RBBP7: variants seen among roughly 807,000 people sequenced by gnomAD.
RBBP7 encodes the protein histone-binding protein RBBP7.
RBBP7 carries 5 observed loss-of-function variants against 35.2 expected under a neutral mutation model. The observed-to-expected ratio is 0.14, with a 90% CI of 0.07 to 0.30. The LOEUF is 0.30. Ranked by LOEUF, RBBP7 falls within the 10% of genes least tolerant of loss-of-function variation. The probability of loss-of-function intolerance (pLI) is 1.00; values close to 1 mark genes in which losing one functional copy is unlikely to be tolerated. For synonymous variants in RBBP7, 140 were observed against 118.7 expected (o/e 1.18, Z -1.17); for missense variants, 155 against 327.5 (o/e 0.47, Z 4.07).
At chrX:16,867,835 C>T (rs1251303867) in intron 2 of RBBP7, among the ~76,000 whole-genome samples, 2 of 106,871 alleles carry the variant, frequency 1.9e-5, no homozygotes, top group African/African-American at 3.4e-5. Flanking sequence ...CACGCTGCCA[C>T]GCCCGGTTTT....
intron 1 of RBBP7, 137 bp downstream of exon 1, chrX:16,869,901 G>A: frequency 1.3e-6 from 1 of 780,850 alleles, no homozygotes; most frequent in Non-Finnish European, 1.5e-6. Flanking sequence ...GCCCCTCGAG[G>A]CGCGCGCCCA....
In RBBP7 at chrX:16,852,589, GTTTTAA is replaced by G; in HGVS notation, c.919_924del (p.Lys308_Leu309del). On this transcript the variant is annotated inframe_deletion, in exon 8 of 12. Transcript: ENST00000380087. The stretch of plus-strand genomic sequence containing the variant: ...TCTTTATGAGATTCGAAGGTATGGA[GTTTTAA>G]TTTTAAGTTACGCAGATCCCATAAA... The G allele has an allele frequency of 8.3e-7, 1 of 1,211,478 alleles. No individual in the cohort carries two copies. The highest frequency in any genetic ancestry group is 1.1e-6 in the Non-Finnish European group (1 of 895,370).
chrX:16,859,598 C>T (rs190463405), intron 3 of RBBP7, among the ~76,000 whole-genome samples: 150 of 112,653 alleles, frequency 1.3e-3, no homozygotes, highest in Non-Finnish European at 2.5e-3. Context: ...CAAGAACATT[C>T]TTTTTTGTGC....
chrX:16,860,971 C>T (rs769606571), intron 3 of RBBP7, among the ~76,000 whole-genome samples: 22 of 111,268 alleles, frequency 2.0e-4, no homozygotes, highest in African/African-American at 6.8e-4. Context: ...GCCAGGAGTT[C>T]GAGACCTGCC....
At chrX:16,850,632 A>C (rs1158631301) in intron 9 of RBBP7, among the ~76,000 whole-genome samples, 1 of 112,973 alleles carries the variant, frequency 8.9e-6, no homozygotes, top group African/African-American at 3.2e-5. Context: ...AACCCTGAAC[A>C]TTAGCTATTT....
intron 3 of RBBP7, among the ~76,000 whole-genome samples, chrX:16,862,093 CAG>C (rs762389094): frequency 9.0e-6 from 1 of 111,563 alleles, no homozygotes; most frequent in South Asian, 3.8e-4. Flanking sequence ...CTTCCCTGAG[CAG>C]AGATATTTCA....
intron 6 of RBBP7, 80 bp downstream of exon 6, chrX:16,853,602 T>G: frequency 1.1e-6 from 1 of 918,783 alleles, no homozygotes; most frequent in South Asian, 3.8e-5. Flanking sequence ...AAAAAAAAAA[T>G]CAAACTACAG....
At chrX:16,869,841 G>A (rs1930733080) in intron 1 of RBBP7, 197 bp downstream of exon 1, 1 of 873,815 alleles carries the variant, frequency 1.1e-6, no homozygotes, top group African/African-American at 2.2e-5. Flanking sequence ...CCCCGCGCCC[G>A]GCTCCGGAAG....
chrX:16,849,419 C>A lies in RBBP7; in HGVS notation c.1041-118G>T, dbSNP rs371047858. ...AACATAAACACACTCACAAAAACAA[C>A]TTATTTCTATACTACAATCAATTAG... On this transcript the variant is annotated intron_variant, in intron 9 of 11. Transcript: ENST00000380087. 80 of 624,949 alleles carry A rather than the reference C, an allele frequency of 1.3e-4. No individual in the cohort carries two copies. In the Middle Eastern group the frequency reaches 2.6e-3, roughly 21 times the overall value. 51.5% of individuals were successfully genotyped at this position (624,949 alleles called of 1,213,427 possible).
At chrX:16,865,910 A>G (rs1930603636) in intron 2 of RBBP7, among the ~76,000 whole-genome samples, 1 of 112,509 alleles carries the variant, frequency 8.9e-6, no homozygotes, top group Non-Finnish European at 1.9e-5. Context: ...AAGCATGCTG[A>G]CAGGAAAATC....
intron 9 of RBBP7, among the ~76,000 whole-genome samples, chrX:16,851,672 A>C (rs1177074098): frequency 8.9e-6 from 1 of 111,828 alleles, no homozygotes; most frequent in Non-Finnish European, 1.9e-5. Flanking sequence ...TGGTACAAAA[A>C]CCCAGAAAAA....
chrX:16,869,722 G>T, intron 1 of RBBP7: 1 of 983,008 alleles, frequency 1.0e-6, no homozygotes, highest in East Asian at 4.2e-5. Flanking sequence ...AGAAAGAGCC[G>T]CGGCGCTCGC....
chrX:16,854,634 G>C (rs1930301153), intron 5 of RBBP7, among the ~76,000 whole-genome samples: 2 of 110,676 alleles, frequency 1.8e-5, no homozygotes, highest in African/African-American at 6.6e-5. Context: ...CAGACATCAG[G>C]AGATGGGACA....
At chrX:16,845,528 C>T (rs895085161) in intron 11 of RBBP7, among the ~76,000 whole-genome samples, 1 of 111,903 alleles carries the variant, frequency 8.9e-6, no homozygotes, top group Non-Finnish European at 1.9e-5. Flanking sequence ...ACAGAACAGA[C>T]ACTGGAGACA....
rs1465609317 is a variant in RBBP7 at position 16,862,995 on chromosome X, A to C, written c.267T>G (p.Asp89Glu). The change falls in exon 3 of 12, where the codon GAT (aspartate) becomes GAG (glutamate). Residue 89 changes from aspartate to glutamate, a missense_variant. By Grantham distance (45) the Asp-to-Glu change is conservative (BLOSUM62 2). Transcript: ENST00000380087. Reference sequence around the variant, plus strand: ...CACAATGGGAAGCATCAAACTGTGCATCATCATTGGGAATATGTACTCGAG... The same window carrying C: ...CACAATGGGAAGCATCAAACTGTGCCTCATCATTGGGAATATGTACTCGAG... ...VVARVHIPND[D>E]AQFDASHCDS... The C allele has an allele frequency of 4.1e-6, 5 of 1,211,611 alleles. No individual in the cohort carries two copies. Among genetic ancestry groups the C allele is most frequent in the Non-Finnish European group, 5.6e-6 (5 of 895,230 alleles).
intron 3 of RBBP7, among the ~76,000 whole-genome samples, chrX:16,861,608 G>A (rs989594364): frequency 1.8e-5 from 2 of 111,756 alleles, no homozygotes; most frequent in Admixed American, 9.5e-5. Context: ...TTGGCCTCCC[G>A]AAGTGTTGGG....
intron 2 of RBBP7, among the ~76,000 whole-genome samples, chrX:16,866,279 G>A (rs929054433): frequency 9.1e-6 from 1 of 110,331 alleles, no homozygotes; most frequent in Non-Finnish European, 1.9e-5. Flanking sequence ...TGTAATCCCA[G>A]CACTCTGGGA....
chrX:16,845,979 C>G (rs1930067460), intron 10 of RBBP7, 41 bp from the exon 11 acceptor site: 1 of 1,180,397 alleles, frequency 8.5e-7, no homozygotes, highest in African/African-American at 1.8e-5. Flanking sequence ...CATATACTCT[C>G]CTGTTAATCC....
intron 2 of RBBP7, among the ~76,000 whole-genome samples, chrX:16,864,374 C>G (rs1930547691): frequency 9.1e-6 from 1 of 109,627 alleles, no homozygotes; most frequent in Non-Finnish European, 1.9e-5. Flanking sequence ...ACAAAATTAG[C>G]CGGGCATGGT....
Sources: gnomAD v4.1 joint callset for allele counts (sites outside exome capture counted in the v4.1 genomes callset) on GRCh38, gnomAD v4.1.1 for gene constraint, MANE v1.5 for transcripts, NCBI Gene and HGNC (gene_info 2026-07-23, HGNC 2026-07-21) for gene names.